The following LSM10 variants were observed in gnomAD, a reference collection of about 807,000 sequenced individuals.
LSM10 encodes U7 snRNA-associated Sm-like protein LSm10.
A neutral mutation model predicts 5.2 loss-of-function variants in LSM10; 4 were observed. The ratio of observed to expected loss-of-function variants is 0.77; its 90% CI spans 0.38 to 1.77. The LOEUF (loss-of-function observed/expected upper bound fraction) is 1.77. LSM10 is among the 40% of genes most tolerant of loss of function. The probability of loss-of-function intolerance (pLI) is 0.04; values close to 1 mark genes in which losing one functional copy is unlikely to be tolerated. For missense variants in LSM10, 150 were observed against 171.6 expected (o/e 0.87, Z 0.70); for synonymous variants, 63 against 67.4 (o/e 0.94, Z 0.32).
Position 36,393,510 on chromosome 1 carries a change from A to C in LSM10, c.*248T>G. 1.8e-6 allele frequency: 1 copy of C among 557,262 alleles called. No individual in the cohort carries two copies. Among genetic ancestry groups the C allele is most frequent in the Non-Finnish European group, 3.2e-6 (1 of 310,884 alleles). The allele number at this position is 557,262 out of a possible 1,614,324, so 34.5% of individuals were successfully genotyped here. A position where few individuals can be genotyped will look rare whatever the true frequency, so the allele number is the denominator to read the frequency against. On this transcript the variant is annotated 3_prime_UTR_variant, in exon 2 of 2. Transcript: ENST00000315732. ...TGACAGGTTCCATAATCAATAAGTC[A>C]GAGATTCAGATCATCAAAAAGGGGG...
At chr1:36,394,197 G>A in intron 1 of LSM10, 44 bp from the exon 2 acceptor site, 2 of 1,535,128 alleles carry the variant, frequency 1.3e-6, no homozygotes, top group Middle Eastern at 1.7e-4. Flanking sequence ...CAGGGTAGGG[G>A]GTACAGTTGC....
rs968408257 is a variant in LSM10 at position 36,396,379 on chromosome 1, G to A, written c.-25+1388C>T. ...TGAGTGGCTCACTGCCATCTTCCACGCTGGCTGGAAACAGACTGCATTTTA... is the reference window on the plus strand; with the variant it reads ...TGAGTGGCTCACTGCCATCTTCCACACTGGCTGGAAACAGACTGCATTTTA... On this transcript the variant is annotated intron_variant, in intron 1 of 1. Coordinates refer to ENST00000315732, the MANE Select transcript of LSM10 (RefSeq NM_032881.3). Among the ~76,000 whole-genome samples, 7 of 152,242 alleles carry A rather than the reference G, an allele frequency of 4.6e-5. No homozygotes were observed. The South Asian group carries it at 1.0e-3, about 23-fold the overall frequency.
intron 1 of LSM10, among the ~76,000 whole-genome samples, chr1:36,394,999 C>T (rs1160589553): frequency 6.6e-6 from 1 of 152,010 alleles, no homozygotes; most frequent in South Asian, 2.1e-4. Flanking sequence ...CTCAGCTACT[C>T]GGGAGGGTGA....
In LSM10 at chr1:36,393,873, T is replaced by C. The variant is rs1647139353; in HGVS notation, c.257A>G (p.Asp86Gly). The C allele has an allele frequency of 1.2e-6, 2 of 1,614,274 alleles. No homozygotes were observed. Among genetic ancestry groups the C allele is most frequent in the Non-Finnish European group, 8.5e-7 (1 of 1,180,050 alleles). ...AATGGTCGAGGTGATGTTCACGTCA[T>C]CTGGGATGTGGACGTAGCGGACATT... Reference protein sequence around the residue: ...GRNVRYVHIPDDVNITSTIEQ... With the variant: ...GRNVRYVHIPGDVNITSTIEQ... Residue 86 changes from aspartate to glycine, a missense_variant, in exon 2 of 2, where the codon GAT becomes GGT. Asp to Gly is a moderately conservative substitution (Grantham distance 94). Coordinates refer to ENST00000315732, the MANE Select transcript of LSM10 (RefSeq NM_032881.3).
chr1:36,397,039 T>C (rs947168767), intron 1 of LSM10, among the ~76,000 whole-genome samples: 1 of 152,050 alleles, frequency 6.6e-6, no homozygotes, highest in Non-Finnish European at 1.5e-5. Context: ...ATAAGGTACA[T>C]AGGTTTTGAA....
At position 36,393,718 on chromosome 1, in the gene LSM10, C is replaced by T. The variant is rs779245651; in HGVS notation, c.*40G>A. On this transcript the variant is annotated 3_prime_UTR_variant, in exon 2 of 2. Coordinates refer to ENST00000315732, the MANE Select transcript of LSM10 (RefSeq NM_032881.3). ...GGCAGGGAACTAGCTCCGGAGATCA[C>T]TGGAGGACTCCGAGTTGGGGCCAGG... 1 of 1,605,266 alleles carries T rather than the reference C, an allele frequency of 6.2e-7. No homozygotes were observed. The highest frequency in any genetic ancestry group is 2.2e-5 in the East Asian group (1 of 44,810).
At position 36,393,579 on chromosome 1, in the gene LSM10, G is replaced by T; in HGVS notation, c.*179C>A. ...GCCACATATAGGATTCTGGGTCCCA[G>T]AGTGAGTCTGGGAGGTGGAACCCTG... On this transcript the variant is annotated 3_prime_UTR_variant, in exon 2 of 2. Transcript: ENST00000315732. 1 of 784,252 alleles carries T rather than the reference G, an allele frequency of 1.3e-6. No individual in the cohort carries two copies. The highest frequency in any genetic ancestry group is 3.8e-4 in the Middle Eastern group (1 of 2,624). 48.6% of individuals were successfully genotyped at this position (784,252 alleles called of 1,614,324 possible). A position where few individuals can be genotyped will look rare whatever the true frequency, so the allele number is the denominator to read the frequency against.
At chr1:36,395,237 A>C (rs1647149650) in intron 1 of LSM10, among the ~76,000 whole-genome samples, 1 of 152,216 alleles carries the variant, frequency 6.6e-6, no homozygotes, top group Non-Finnish European at 1.5e-5. Flanking sequence ...TTACGGAAAG[A>C]AGGGAAAGAA....
At chr1:36,395,634 C>T (rs969414294) in intron 1 of LSM10, among the ~76,000 whole-genome samples, 3 of 151,806 alleles carry the variant, frequency 2.0e-5, no homozygotes, top group African/African-American at 4.8e-5. Flanking sequence ...AAAAATTAGT[C>T]GGGCATGGTG....
In LSM10 at chr1:36,393,603, T is replaced by C. The variant is rs997762254; in HGVS notation, c.*155A>G. The C allele has an allele frequency of 9.6e-7, 1 of 1,046,202 alleles. No individual in the cohort carries two copies. The highest frequency in any genetic ancestry group is 1.6e-5 in the African/African-American group (1 of 62,928). The allele number at this position is 1,046,202 out of a possible 1,614,324, so 64.8% of individuals were successfully genotyped here. The stretch of plus-strand genomic sequence containing the variant: ...AGAGTGAGTCTGGGAGGTGGAACCC[T>C]GTGAAAGGCAGCTTTGACAGGTGGT... On this transcript the variant is annotated 3_prime_UTR_variant, in exon 2 of 2. Coordinates refer to ENST00000315732, the MANE Select transcript of LSM10 (RefSeq NM_032881.3).
chr1:36,394,375 T>G (rs958018661), intron 1 of LSM10, among the ~76,000 whole-genome samples: 1 of 152,128 alleles, frequency 6.6e-6, no homozygotes, highest in African/African-American at 2.4e-5. Flanking sequence ...AAAATATGGC[T>G]AGGATGGCCA....
rs1647139413 is a variant in LSM10, at chr1:36,393,881, G to C, written c.249C>G (p.His83Gln). Residue 83 changes from histidine to glutamine, a missense_variant, in exon 2 of 2, where the codon CAC becomes CAG. Physicochemically the swap from His to Gln is conservative, Grantham distance 24 (BLOSUM62 0). Transcript: ENST00000315732. Reference protein sequence around the residue: ...FVTGRNVRYVHIPDDVNITST... With the variant: ...FVTGRNVRYVQIPDDVNITST... ...AGGTGATGTTCACGTCATCTGGGAT[G>C]TGGACGTAGCGGACATTGCGGCCTG... 3 of 1,614,174 alleles carry C rather than the reference G, an allele frequency of 1.9e-6. No individual in the cohort carries two copies. The Admixed American group carries it at 5.0e-5, about 27-fold the overall frequency.
chr1:36,397,326 C>A (rs1394772207), intron 1 of LSM10, among the ~76,000 whole-genome samples: 4 of 152,326 alleles, frequency 2.6e-5, no homozygotes, highest in African/African-American at 9.6e-5. Context: ...CAGGGCTGTG[C>A]ATTGTGGCAC....
At chr1:36,397,130 C>G (rs1647162647) in intron 1 of LSM10, among the ~76,000 whole-genome samples, 1 of 152,156 alleles carries the variant, frequency 6.6e-6, no homozygotes, top group African/African-American at 2.4e-5. Context: ...GAACCTGTTT[C>G]CACATTTATT....
chr1:36,396,894 G>A (rs1647161244), intron 1 of LSM10, among the ~76,000 whole-genome samples: 1 of 152,044 alleles, frequency 6.6e-6, no homozygotes, highest in African/African-American at 2.4e-5. Context: ...CTTGAACCCA[G>A]GAGGCAGAGG....
chr1:36,393,919 C>A lies in LSM10; in HGVS notation c.211G>T (p.Asp71Tyr). 6.2e-7 allele frequency: 1 copy of A among 1,614,246 alleles called. No homozygotes were observed. Among genetic ancestry groups the A allele is most frequent in the Non-Finnish European group, 8.5e-7 (1 of 1,180,046 alleles). ...DRWGHQVKLD[D>Y]LFVTGRNVRY... ...ACATTGCGGCCTGTCACAAAGAGGT[C>A]ATCCAGCTTGACCTGATGCCCCCAA... The change falls in exon 2 of 2, where the codon GAC (aspartate) becomes TAC (tyrosine). Residue 71 changes from aspartate to tyrosine, a missense_variant. Coordinates refer to ENST00000315732, the MANE Select transcript of LSM10 (RefSeq NM_032881.3).
chr1:36,394,253 C>T, intron 1 of LSM10, 100 bp from the exon 2 acceptor site: 1 of 1,138,230 alleles, frequency 8.8e-7, no homozygotes, highest in Non-Finnish European at 1.2e-6. Flanking sequence ...CAGCACAGAC[C>T]ACCTCTGCAA....
chr1:36,397,796 T>C lies in LSM10; in HGVS notation c.-54A>G, dbSNP rs1366035032. ...CGACATTCCTTCCGCTTTCCCCGTC[T>C]GGGTCGCCGCCGAAGCTAGCGGGCG... On this transcript the variant is annotated 5_prime_UTR_variant, in exon 1 of 2. Transcript: ENST00000315732. 1.3e-5 allele frequency: 2 copies of C among 152,156 alleles called. No homozygotes were observed. The highest frequency in any genetic ancestry group is 4.8e-5 in the African/African-American group (2 of 41,442). 9.4% of individuals were successfully genotyped at this position (152,156 alleles called of 1,614,324 possible).
intron 1 of LSM10, among the ~76,000 whole-genome samples, chr1:36,397,186 G>T (rs1156252152): frequency 6.6e-6 from 1 of 152,124 alleles, no homozygotes. Flanking sequence ...TCCACTAAAG[G>T]TACTCTCCTT....
Sources: allele counts gnomAD v4.1 joint callset (sites outside exome capture counted in the v4.1 genomes callset), GRCh38; gene constraint gnomAD v4.1.1; transcripts MANE v1.5; gene names NCBI Gene and HGNC (gene_info 2026-07-23, HGNC 2026-07-21).